Variants in FBLN7 observed in about 807,000 individuals in gnomAD.
FBLN7 encodes fibulin-7.
Under a neutral mutation model 44.0 loss-of-function variants are expected in FBLN7, and 31 were observed. The observed-to-expected ratio is 0.70, with a 90% CI of 0.53 to 0.95. FBLN7 has a LOEUF of 0.95. FBLN7 is among the 40% of genes least tolerant of loss of function. The probability of loss-of-function intolerance (pLI) is 0.00; values close to 1 mark genes in which losing one functional copy is unlikely to be tolerated. For missense variants in FBLN7, 573 were observed against 618.5 expected, an observed-to-expected ratio of 0.93 and a Z score of 0.78; for synonymous variants, 262 against 253.4, an observed-to-expected ratio of 1.03 and a Z score of -0.32.
chr2:112,214,514 GGTCA>G, the FBLN7 span: 1 of 151,952 alleles, frequency 6.6e-6, no homozygotes, highest in Non-Finnish European at 1.5e-5. Flanking sequence ...CTGCATCAAG[GGTCA>G]GTGAGATTTA....
At chr2:112,178,371 AC>A (rs1162911496) in intron 4 of FBLN7, among the ~76,000 whole-genome samples, 1 of 152,278 alleles carries the variant, frequency 6.6e-6, no homozygotes, top group East Asian at 1.9e-4. Context: ...TAGCCTACCA[AC>A]CAAAAAAAGC....
chr2:112,160,891 C>T (rs1223978650), intron 2 of FBLN7, among the ~76,000 whole-genome samples: 1 of 152,168 alleles, frequency 6.6e-6, no homozygotes, highest in African/African-American at 2.4e-5. Flanking sequence ...GTGCAATACA[C>T]TGGTTCCAGT....
At chr2:112,146,688 T>C (rs750440276) in intron 1 of FBLN7, among the ~76,000 whole-genome samples, 2 of 152,068 alleles carry the variant, frequency 1.3e-5, no homozygotes, top group Non-Finnish European at 2.9e-5. Flanking sequence ...TCATTATTTA[T>C]AGGGAATTTT....
the FBLN7 span, among the ~76,000 whole-genome samples, chr2:112,217,352 G>T: frequency 1.3e-5 from 2 of 151,984 alleles, no homozygotes; most frequent in Non-Finnish European, 2.9e-5. Flanking sequence ...AAGCCTGGGT[G>T]ACTCCATCTC....
chr2:112,230,971 CAT>C, the FBLN7 span: 5 of 1,210,074 alleles, frequency 4.1e-6, no homozygotes, highest in African/African-American at 3.2e-5. Context: ...AAAAAAATCA[CAT>C]AATCATTTTT....
Position 112,182,839 on chromosome 2 carries a change from G to A in FBLN7, c.719G>A (p.Cys240Tyr). ...GGGCAGGAGGGGCGCCCCCGGCTCT[G>A]CATGCACGCCTGCGTGAACACCCCG... Reference protein sequence around the residue: ...LYGQEGRPRLCMHACVNTPGS... With the variant: ...LYGQEGRPRLYMHACVNTPGS... Residue 240 changes from cysteine to tyrosine, a missense_variant, in exon 6 of 8, where the codon TGC (cysteine) becomes TAC (tyrosine). Physicochemically the swap from Cys to Tyr is radical, Grantham distance 194. Coordinates refer to ENST00000331203, the MANE Select transcript of FBLN7 (RefSeq NM_153214.3). 6.2e-7 allele frequency: 1 copy of A among 1,612,106 alleles called. No homozygotes were observed.
At chr2:112,139,066 G>C (rs1236882724) in intron 1 of FBLN7, among the ~76,000 whole-genome samples, 1 of 55,648 alleles carries the variant, frequency 1.8e-5, no homozygotes, top group African/African-American at 8.5e-5. Context: ...CCTCTCTCCA[G>C]GTCAGCGTCC....
chr2:112,176,952 AG>A (rs1682766307), intron 4 of FBLN7: 1 of 108,880 alleles, frequency 9.2e-6, no homozygotes, highest in Non-Finnish European at 1.9e-5. Flanking sequence ...TTTTTTTTTA[AG>A]ATGGGAGTCT....
At chr2:112,231,011 T>G in the FBLN7 span, 10 of 1,022,878 alleles carry the variant, frequency 9.8e-6, no homozygotes, top group Non-Finnish European at 1.3e-6. Flanking sequence ...TCAGGTATAC[T>G]GTCATATTCA....
chr2:112,153,892 G>A (rs924490920), intron 1 of FBLN7, among the ~76,000 whole-genome samples: 46 of 152,332 alleles, frequency 3.0e-4, no homozygotes, highest in African/African-American at 6.0e-4. Context: ...AGAAGGGCAG[G>A]GGTGGATGGA....
the FBLN7 span, among the ~76,000 whole-genome samples, chr2:112,225,502 T>C: frequency 6.6e-6 from 1 of 151,714 alleles, no homozygotes; most frequent in Non-Finnish European, 1.5e-5. Context: ...AGTCAACATA[T>C]TCATAGATTA....
the FBLN7 span, among the ~76,000 whole-genome samples, chr2:112,211,149 T>C: frequency 6.6e-6 from 1 of 152,200 alleles, no homozygotes; most frequent in South Asian, 2.1e-4. Context: ...CTTCCTATCT[T>C]TGACTTCAGA....
the FBLN7 span, chr2:112,215,704 G>C: frequency 6.6e-6 from 1 of 151,974 alleles, no homozygotes; most frequent in African/African-American, 2.4e-5. Context: ...ATTATTATTT[G>C]TACTTGGAAC....
At chr2:112,238,526 A>C in the FBLN7 span, 1 of 1,592,768 alleles carries the variant, frequency 6.3e-7, no homozygotes, top group Non-Finnish European at 8.5e-7. Context: ...CAGAGTGTCT[A>C]AACTAAGTAA....
At chr2:112,218,694 T>A in the FBLN7 span, among the ~76,000 whole-genome samples, 5 of 151,950 alleles carry the variant, frequency 3.3e-5, no homozygotes, top group Admixed American at 3.3e-4. Context: ...AGAGAGAGAG[T>A]CTACTTATGT....
At chr2:112,184,121 C>T (rs1475933714) in intron 6 of FBLN7, among the ~76,000 whole-genome samples, 1 of 152,210 alleles carries the variant, frequency 6.6e-6, no homozygotes, top group African/African-American at 2.4e-5. Context: ...TGCAGTGGGC[C>T]TTTCGGGGGG....
chr2:112,186,757 G>A (rs1308084114), intron 7 of FBLN7, among the ~76,000 whole-genome samples: 3 of 152,218 alleles, frequency 2.0e-5, no homozygotes, highest in Non-Finnish European at 2.9e-5. Flanking sequence ...ATTACTGGGC[G>A]AGGTCGCAGC....
At chr2:112,148,050 C>T (rs574114874) in intron 1 of FBLN7, among the ~76,000 whole-genome samples, 6 of 152,096 alleles carry the variant, frequency 3.9e-5, no homozygotes, top group South Asian at 4.1e-4. Flanking sequence ...CAAGACCTCG[C>T]GCTGGAGCAG....
chr2:112,198,876 T>C, the FBLN7 span, among the ~76,000 whole-genome samples: 61 of 152,308 alleles, frequency 4.0e-4, no homozygotes, highest in Middle Eastern at 3.4e-3. Flanking sequence ...CTGAATGCAC[T>C]AAGATACACC....
Sources: allele counts gnomAD v4.1 joint callset (sites outside exome capture counted in the v4.1 genomes callset), GRCh38; gene constraint gnomAD v4.1.1; transcripts MANE v1.5; gene names NCBI Gene and HGNC (gene_info 2026-07-23, HGNC 2026-07-21).